Variants in ZNF423 observed in about 807,000 individuals in gnomAD.
ZNF423 encodes zinc finger protein 423, also known as Ebf-associated zinc finger protein.
ZNF423 carries 12 observed loss-of-function variants against 95.8 expected under a neutral mutation model. The ratio of observed to expected loss-of-function variants is 0.13; its 90% CI spans 0.08 to 0.20. The LOEUF (loss-of-function observed/expected upper bound fraction) is 0.20, where lower values mean the gene tolerates loss of function less well. Ranked by LOEUF, ZNF423 falls within the 10% of genes least tolerant of loss-of-function variation. The pLI is 1.00. For missense variants in ZNF423, 1,316 were observed against 1,737.1 expected (o/e 0.76, Z 4.31); for synonymous variants, 749 against 711.9 (o/e 1.05, Z -0.83).
intron 1 of ZNF423, among the ~76,000 whole-genome samples, chr16:49,835,160 G>T (rs1048475193): frequency 6.6e-6 from 1 of 152,120 alleles, no homozygotes; most frequent in African/African-American, 2.4e-5. Flanking sequence ...GAGGCCCTCA[G>T]CCTCTTCCAG....
At chr16:49,700,377 C>A (rs1321813027) in intron 3 of ZNF423, among the ~76,000 whole-genome samples, 1 of 152,196 alleles carries the variant, frequency 6.6e-6, no homozygotes, top group Admixed American at 6.5e-5. Context: ...TGCTGAAGCC[C>A]ACAGGGCCTG....
intron 3 of ZNF423, among the ~76,000 whole-genome samples, chr16:49,676,466 T>G (rs1188797931): frequency 6.6e-6 from 1 of 152,148 alleles, no homozygotes; most frequent in East Asian, 1.9e-4. Flanking sequence ...ATTCTGGGAC[T>G]AAATCAGACA....
At chr16:49,787,253 A>T (rs1370686244) in intron 2 of ZNF423, among the ~76,000 whole-genome samples, 6 of 152,224 alleles carry the variant, frequency 3.9e-5, no homozygotes, top group Non-Finnish European at 7.3e-5. Flanking sequence ...AGAACTGGGA[A>T]GGAAAATTTA....
chr16:49,752,617 AC>A (rs1279227395), intron 2 of ZNF423, among the ~76,000 whole-genome samples: 9 of 152,076 alleles, frequency 5.9e-5, no homozygotes, highest in African/African-American at 2.2e-4. Flanking sequence ...CACAGAACAG[AC>A]CCCACGGGCT....
At chr16:49,787,675 G>C (rs1417786517) in intron 2 of ZNF423, among the ~76,000 whole-genome samples, 1 of 152,140 alleles carries the variant, frequency 6.6e-6, no homozygotes, top group African/African-American at 2.4e-5. Flanking sequence ...CACTGCCTAG[G>C]GGATGCAGCT....
intron 3 of ZNF423, among the ~76,000 whole-genome samples, chr16:49,697,973 C>T (rs989253071): frequency 2.6e-5 from 4 of 152,194 alleles, no homozygotes; most frequent in South Asian, 2.1e-4. Flanking sequence ...TGCCCCATTA[C>T]GCCGCCTTTC....
intron 5 of ZNF423, among the ~76,000 whole-genome samples, chr16:49,582,298 T>TACAAACTC (rs1244044976): frequency 6.6e-6 from 1 of 152,180 alleles, no homozygotes; most frequent in African/African-American, 2.4e-5. Flanking sequence ...TGATCAAACT[T>TACAAACTC]ACAAACTCCA....
In ZNF423 at chr16:49,742,411, A is replaced by G. The variant is rs565693495; in HGVS notation, c.101-11440T>C. On this transcript the variant is annotated intron_variant, in intron 2 of 7. Coordinates refer to ENST00000563137, the MANE Select transcript of ZNF423 (RefSeq NM_001379286.1). ...CCCCCTGCAAGAAAAAATCAAATTT[A>G]TTTTTCCAGCAAGTAGTTAATGGTG... Among the ~76,000 whole-genome samples the G allele has an allele frequency of 2.6e-3, 403 of 152,142 alleles. 2 individuals are homozygous for G. The highest frequency in any genetic ancestry group is 4.7e-3 in the Non-Finnish European group (320 of 67,978).
Position 49,525,499 on chromosome 16 carries a change from A to G in ZNF423, c.3602-5T>C, listed in dbSNP as rs2151709010. On this transcript the variant is annotated splice_polypyrimidine_tract_variant and splice_region_variant and intron_variant, in intron 5 of 7. Transcript: ENST00000563137. ...ACTCGTGGTTGATGCCTTCCTCTGC[A>G]AGGAAAACCCGTGACCAGTCAGTGA... is the stretch of plus-strand genomic sequence containing the variant. The G allele has an allele frequency of 6.2e-7, 1 of 1,613,964 alleles. No individual in the cohort carries two copies. Among genetic ancestry groups the G allele is most frequent in the Non-Finnish European group, 8.5e-7 (1 of 1,179,948 alleles).
chr16:49,624,930 G>T (rs926210128), intron 5 of ZNF423, among the ~76,000 whole-genome samples: 1 of 152,238 alleles, frequency 6.6e-6, no homozygotes, highest in Non-Finnish European at 1.5e-5. Context: ...GGTTACACAA[G>T]TGTGTTTAGT....
At chr16:49,620,670 C>A (rs1972043971) in intron 5 of ZNF423, among the ~76,000 whole-genome samples, 1 of 152,176 alleles carries the variant, frequency 6.6e-6, no homozygotes, top group African/African-American at 2.4e-5. Flanking sequence ...CCCAAGGGGC[C>A]CGTGAGGCCC....
chr16:49,808,282 G>A (rs2034697352), intron 1 of ZNF423, among the ~76,000 whole-genome samples: 1 of 151,986 alleles, frequency 6.6e-6, no homozygotes, highest in Admixed American at 6.6e-5. Context: ...GGCTGGTCTT[G>A]AACTCCTGGC....
intron 2 of ZNF423, among the ~76,000 whole-genome samples, chr16:49,766,318 G>A (rs1409870341): frequency 6.6e-6 from 1 of 152,176 alleles, no homozygotes; most frequent in Non-Finnish European, 1.5e-5. Context: ...AGGCACAGCG[G>A]ATGAGGAAAT....
At chr16:49,575,079 C>G (rs1970454485) in intron 5 of ZNF423, among the ~76,000 whole-genome samples, 1 of 152,120 alleles carries the variant, frequency 6.6e-6, no homozygotes, top group South Asian at 2.1e-4. Context: ...AGACTGCCAG[C>G]CGGAACCAGG....
chr16:49,675,536 G>A (rs1368265547), intron 3 of ZNF423, among the ~76,000 whole-genome samples: 1 of 151,954 alleles, frequency 6.6e-6, no homozygotes, highest in Non-Finnish European at 1.5e-5. Context: ...GGCTGCCACG[G>A]CCCCCACAAC....
At chr16:49,519,215 T>A (rs1384674976) in intron 7 of ZNF423, among the ~76,000 whole-genome samples, 1 of 152,218 alleles carries the variant, frequency 6.6e-6, no homozygotes, top group Non-Finnish European at 1.5e-5. Context: ...GGCCTCCGGT[T>A]TGGGGCCATG....
chr16:49,544,507 G>A (rs1969372987), intron 5 of ZNF423, among the ~76,000 whole-genome samples: 1 of 152,214 alleles, frequency 6.6e-6, no homozygotes, highest in South Asian at 2.1e-4. Flanking sequence ...TTGGGATGGG[G>A]GTCGAGGTAA....
chr16:49,497,191 C>T (rs551335695), intron 7 of ZNF423, among the ~76,000 whole-genome samples: 1 of 152,322 alleles, frequency 6.6e-6, no homozygotes, highest in East Asian at 1.9e-4. Flanking sequence ...ACTCATCCAC[C>T]CATCCACTCA....
At chr16:49,523,176 C>T (rs1968467139) in intron 7 of ZNF423, among the ~76,000 whole-genome samples, 1 of 152,186 alleles carries the variant, frequency 6.6e-6, no homozygotes, top group Non-Finnish European at 1.5e-5. Flanking sequence ...TCGGGCACCA[C>T]TACTCTTCTT....
Sources: gnomAD v4.1 joint callset for allele counts (sites outside exome capture counted in the v4.1 genomes callset) on GRCh38, gnomAD v4.1.1 for gene constraint, MANE v1.5 for transcripts, NCBI Gene and HGNC (gene_info 2026-07-23, HGNC 2026-07-21) for gene names.